Variants in GFRA1 observed in about 807,000 individuals in gnomAD.
GFRA1 encodes the protein GDNF family receptor alpha 1.
In GFRA1, 16 loss-of-function variants were observed where a neutral mutation model predicts 51.6. The ratio of observed to expected loss-of-function variants is 0.31; its 90% confidence interval spans 0.21 to 0.47. GFRA1 has a LOEUF of 0.47. Ranked by LOEUF, GFRA1 falls within the 20% of genes least tolerant of loss-of-function variation. The pLI is 1.00. For synonymous variants in GFRA1, 270 were observed against 241.3 expected, an observed-to-expected ratio of 1.12 and a Z score of -1.10; for missense variants, 530 against 594.3, an observed-to-expected ratio of 0.89 and a Z score of 1.13.
intron 9 of GFRA1, among the ~76,000 whole-genome samples, chr10:116,073,803 C>G (rs1220802461): frequency 9.2e-5 from 14 of 152,090 alleles, no homozygotes; most frequent in Admixed American, 9.2e-4. Flanking sequence ...TTATGTGCAG[C>G]TGAGTGCGGC....
chr10:116,194,394 G>C (rs1468066716), intron 5 of GFRA1, among the ~76,000 whole-genome samples: 3 of 152,148 alleles, frequency 2.0e-5, no homozygotes, highest in African/African-American at 7.2e-5. Context: ...AACTACCCCT[G>C]TCTGCAGATG....
At chr10:116,098,363 G>C (rs1027827228) in intron 6 of GFRA1, among the ~76,000 whole-genome samples, 26 of 152,236 alleles carry the variant, frequency 1.7e-4, no homozygotes, top group African/African-American at 6.3e-4. Flanking sequence ...CACACTGAAA[G>C]ATATAAAACC....
chr10:116,240,711 G>A (rs936014887), intron 4 of GFRA1, among the ~76,000 whole-genome samples: 1 of 152,170 alleles, frequency 6.6e-6, no homozygotes, highest in African/African-American at 2.4e-5. Context: ...CCTGATGAAG[G>A]AGGGAAACTA....
intron 5 of GFRA1, among the ~76,000 whole-genome samples, chr10:116,126,508 G>A (rs1291284313): frequency 3.3e-5 from 5 of 152,266 alleles, no homozygotes; most frequent in Non-Finnish European, 7.3e-5. Flanking sequence ...TGGACAACAG[G>A]AATTCAGCCC....
intron 5 of GFRA1, among the ~76,000 whole-genome samples, chr10:116,204,203 G>A (rs1441943786): frequency 6.6e-6 from 1 of 152,256 alleles, no homozygotes; most frequent in African/African-American, 2.4e-5. Context: ...TACCATGGGA[G>A]TGGGAATTTA....
At chr10:116,190,685 A>G (rs1200173702) in intron 5 of GFRA1, among the ~76,000 whole-genome samples, 1 of 152,180 alleles carries the variant, frequency 6.6e-6, no homozygotes, top group African/African-American at 2.4e-5. Context: ...ACATTTCAAG[A>G]GGTTCTGAAA....
At chr10:116,230,515 TATATAG>T (rs1966609644) in intron 4 of GFRA1, among the ~76,000 whole-genome samples, 1 of 152,178 alleles carries the variant, frequency 6.6e-6, no homozygotes, top group South Asian at 2.1e-4. Flanking sequence ...GACACACACA[TATATAG>T]ATATAAAGGC....
At chr10:116,262,641 T>G (rs1242581176) in intron 4 of GFRA1, among the ~76,000 whole-genome samples, 1 of 152,210 alleles carries the variant, frequency 6.6e-6, no homozygotes, top group Admixed American at 6.5e-5. Flanking sequence ...TGAAATTTCT[T>G]TTCCTTTTTT....
rs1004314832 is a variant in GFRA1, at chr10:116,198,185, C to T, written c.433+13446G>A. 2.6e-5 allele frequency among the ~76,000 whole-genome samples: 4 copies of T among 152,064 alleles called. No homozygotes were observed. In the East Asian group the frequency reaches 5.8e-4, roughly 22 times the overall value. On this transcript the variant is annotated intron_variant, in intron 5 of 10. Transcript: ENST00000355422. ...TGCATTAATTTATAGACCTCCCTCCCCAACGCCCCCACACGATACAGGTGG... is the reference window on the plus strand; with the variant it reads ...TGCATTAATTTATAGACCTCCCTCCTCAACGCCCCCACACGATACAGGTGG...
intron 5 of GFRA1, among the ~76,000 whole-genome samples, chr10:116,177,265 C>T (rs763446536): frequency 1.3e-5 from 2 of 152,130 alleles, no homozygotes; most frequent in Admixed American, 6.6e-5. Flanking sequence ...ACCTGAGTGA[C>T]GGTGTAGAAG....
intron 4 of GFRA1, among the ~76,000 whole-genome samples, chr10:116,221,002 A>G (rs1239607749): frequency 6.6e-6 from 1 of 152,192 alleles, no homozygotes; most frequent in East Asian, 1.9e-4. Context: ...TGTCAGGGAC[A>G]TTCTGTCCAC....
intron 5 of GFRA1, among the ~76,000 whole-genome samples, chr10:116,191,048 G>A (rs1230580559): frequency 1.3e-5 from 2 of 152,224 alleles, no homozygotes; most frequent in Non-Finnish European, 2.9e-5. Context: ...ATTGCCTGGT[G>A]CAAGGCAGTT....
At chr10:116,250,557 T>C (rs1404443635) in intron 4 of GFRA1, among the ~76,000 whole-genome samples, 1 of 152,186 alleles carries the variant, frequency 6.6e-6, no homozygotes, top group African/African-American at 2.4e-5. Flanking sequence ...AGGATTACAT[T>C]TTCAAAGCGT....
chr10:116,146,008 TACAC>T lies in GFRA1; in HGVS notation c.434-20455_434-20452del, dbSNP rs139009740. Among the ~76,000 whole-genome samples the T allele has an allele frequency of 1.0e-3, 156 of 151,608 alleles. 1 individual carries two copies. The highest frequency in any genetic ancestry group is 3.3e-3 in the African/African-American group (135 of 41,454). ...AGAATAAAAACCTAGAAACAAAGTG[TACAC>T]ACACACACACCACTCACATTTGTGT... On this transcript the variant is annotated intron_variant, in intron 5 of 10. Transcript: ENST00000355422.
At position 116,065,559 on chromosome 10, in the gene GFRA1, A is replaced by AGAAACATACTTACATTGGAAATACAGAG; in HGVS notation, c.1237_1251+13dup. On this transcript the variant is annotated intron_variant, in intron 10 of 10. Transcript: ENST00000355422. Reference sequence around the variant, plus strand: ...TCTATAAATGCACGAAGCCTCCAAAAGAAACATACTTACATTGGAAATACA... The same window carrying AGAAACATACTTACATTGGAAATACAGAG: ...TCTATAAATGCACGAAGCCTCCAAAAGAAACATACTTACATTGGAAATACAGAGGAAACATACTTACATTGGAAATACA... The AGAAACATACTTACATTGGAAATACAGAG allele has an allele frequency of 6.2e-7, 1 of 1,607,796 alleles. No homozygotes were observed.
At chr10:116,091,523 C>T (rs979979258) in intron 8 of GFRA1, among the ~76,000 whole-genome samples, 1 of 152,162 alleles carries the variant, frequency 6.6e-6, no homozygotes, top group African/African-American at 2.4e-5. Context: ...TGAGTGAAAG[C>T]CACTGATATC....
At chr10:116,199,544 A>G (rs1263301416) in intron 5 of GFRA1, among the ~76,000 whole-genome samples, 3 of 152,244 alleles carry the variant, frequency 2.0e-5, no homozygotes, top group African/African-American at 4.8e-5. Context: ...CCACAAATCT[A>G]TACTTGCTTT....
At chr10:116,070,538 A>G (rs185750558) in intron 9 of GFRA1, among the ~76,000 whole-genome samples, 16 of 152,342 alleles carry the variant, frequency 1.1e-4, no homozygotes, top group African/African-American at 3.4e-4. Flanking sequence ...TTAACTGAGC[A>G]GAGGAACCTG....
rs754007212 is a variant in GFRA1, at chr10:116,272,063, A to G, written c.-34T>C. 9 of 1,540,326 alleles carry G rather than the reference A, an allele frequency of 5.8e-6. No homozygotes were observed. Among genetic ancestry groups the G allele is most frequent in the East Asian group, 2.4e-5 (1 of 40,862 alleles). Reference sequence around the variant, plus strand: ...CGCGGGGCTGGTCCCCGCCCCCCCAAAAAAATCCCGAGCCGCCGCTGGGTC... The same window carrying G: ...CGCGGGGCTGGTCCCCGCCCCCCCAGAAAAATCCCGAGCCGCCGCTGGGTC... On this transcript the variant is annotated 5_prime_UTR_variant, in exon 2 of 11. Coordinates refer to ENST00000355422, the MANE Select transcript of GFRA1 (RefSeq NM_005264.8). The surrounding 1 kb of genome is among the most constrained non-coding windows in gnomAD (Gnocchi z 4.4).
Sources: gnomAD v4.1 joint callset for allele counts (sites outside exome capture counted in the v4.1 genomes callset) on GRCh38, gnomAD v4.1.1 for gene constraint, Gnocchi (gnomAD v3.1) non-coding constraint, MANE v1.5 for transcripts, NCBI Gene and HGNC (gene_info 2026-07-23, HGNC 2026-07-21) for gene names.